Variants in SETBP1 observed in about 807,000 individuals in gnomAD.
SETBP1 encodes SET-binding protein.
A neutral mutation model predicts 101.0 loss-of-function variants in SETBP1; 9 were observed. The observed-to-expected ratio is 0.09, with a 90% confidence interval of 0.05 to 0.16. The LOEUF is 0.16. Ranked by LOEUF, SETBP1 falls within the 10% of genes least tolerant of loss-of-function variation. The pLI is 1.00. For synonymous variants in SETBP1, 818 were observed against 788.5 expected (o/e 1.04, Z -0.63); for missense variants, 1,858 against 2,033.8 (o/e 0.91, Z 1.66).
intron 4 of SETBP1, among the ~76,000 whole-genome samples, chr18:45,018,489 A>G (rs989749359): frequency 1.3e-5 from 2 of 152,228 alleles, no homozygotes; most frequent in African/African-American, 2.4e-5. Context: ...TCTTGGAAAC[A>G]TATGAGAAGT....
At chr18:44,858,182 G>A (rs761597074) in intron 2 of SETBP1, among the ~76,000 whole-genome samples, 2 of 152,204 alleles carry the variant, frequency 1.3e-5, no homozygotes, top group Non-Finnish European at 2.9e-5. Flanking sequence ...TTTGCCTAAT[G>A]CACTGAGAGC....
At chr18:44,715,057 G>C (rs974762105) in intron 2 of SETBP1, among the ~76,000 whole-genome samples, 2 of 152,176 alleles carry the variant, frequency 1.3e-5, no homozygotes, top group African/African-American at 4.8e-5. Context: ...GGGGGTGTTT[G>C]GGACTCAAAC....
chr18:44,812,642 C>T (rs2071887894), intron 2 of SETBP1, among the ~76,000 whole-genome samples: 1 of 152,154 alleles, frequency 6.6e-6, no homozygotes, highest in African/African-American at 2.4e-5. Flanking sequence ...CTCCTGTGGA[C>T]TCCAGGAGAG....
At chr18:44,840,172 A>T (rs971957100) in intron 2 of SETBP1, among the ~76,000 whole-genome samples, 5 of 152,234 alleles carry the variant, frequency 3.3e-5, no homozygotes, top group Non-Finnish European at 7.3e-5. Flanking sequence ...TTATTGTCTC[A>T]TTCCTCCATT....
intron 2 of SETBP1, among the ~76,000 whole-genome samples, chr18:44,862,890 T>G (rs980516904): frequency 6.6e-6 from 1 of 152,122 alleles, no homozygotes; most frequent in East Asian, 1.9e-4. Flanking sequence ...AAAATGACAT[T>G]CATTTCATAG....
intron 1 of SETBP1, among the ~76,000 whole-genome samples, chr18:44,683,316 GAGTGAGCTACTTTGTAAATC>G (rs2144087501): frequency 6.6e-6 from 1 of 152,320 alleles, no homozygotes; most frequent in African/African-American, 2.4e-5. Context: ...GCCTTGCTCA[GAGTGAGCTACTTTGTAAATC>G]ACCTGACCTA....
intron 3 of SETBP1, among the ~76,000 whole-genome samples, chr18:44,895,369 A>G: frequency 6.6e-6 from 1 of 151,900 alleles, no homozygotes; most frequent in East Asian, 1.9e-4. Context: ...GTTCACATCA[A>G]ATACTCAAGT....
chr18:44,949,928 C>T lies in SETBP1; in HGVS notation c.588C>T (p.Gly196=). 1 of 1,614,046 alleles carries T rather than the reference C, an allele frequency of 6.2e-7. No homozygotes were observed. Residue 196 remains glycine (G), a synonymous_variant, in exon 4 of 6, where the codon GGC becomes GGT. Transcript: ENST00000649279. ...QKHSTLHYDT[G]LPQDFTGDTL... The stretch of plus-strand genomic sequence containing the variant: ...ATTCAACTCTCCATTATGACACGGG[C>T]CTCCCACAGGACTTCACCGGTGACA...
intron 4 of SETBP1, among the ~76,000 whole-genome samples, chr18:44,957,413 A>G (rs1322041729): frequency 6.6e-6 from 1 of 152,070 alleles, no homozygotes; most frequent in Non-Finnish European, 1.5e-5. Flanking sequence ...GTGAATCTAC[A>G]TGTGTTACCT....
At chr18:44,984,912 G>A (rs1194131725) in intron 4 of SETBP1, among the ~76,000 whole-genome samples, 3 of 152,278 alleles carry the variant, frequency 2.0e-5, no homozygotes, top group Non-Finnish European at 2.9e-5. Context: ...AGGCCAAGGC[G>A]GGCAGATCAC....
At position 44,814,595 on chromosome 18, in the gene SETBP1, C is replaced by T. The variant is rs550704562; in HGVS notation, c.487-54635C>T. 1.1e-4 allele frequency among the ~76,000 whole-genome samples: 17 copies of T among 152,182 alleles called. No individual in the cohort carries two copies. In the East Asian group the frequency reaches 1.7e-3, roughly 16 times the overall value. ...AAATAAAATTCCTTCTCTATGTAAC[C>T]GAATGTTTGATTAAAACCCCACATG... On this transcript the variant is annotated intron_variant, in intron 2 of 5. Transcript: ENST00000649279.
At chr18:44,783,847 A>T (rs529446811) in intron 2 of SETBP1, among the ~76,000 whole-genome samples, 1 of 152,344 alleles carries the variant, frequency 6.6e-6, no homozygotes, top group South Asian at 2.1e-4. Flanking sequence ...TCAAATTCTT[A>T]TCTCCATGGT....
intron 2 of SETBP1, among the ~76,000 whole-genome samples, chr18:44,818,701 T>C (rs2072036613): frequency 6.6e-6 from 1 of 152,048 alleles, no homozygotes; most frequent in South Asian, 2.1e-4. Context: ...CAAAAGAGTT[T>C]ATAAAAACAA....
intron 3 of SETBP1, among the ~76,000 whole-genome samples, chr18:44,939,526 G>A (rs893413185): frequency 6.6e-6 from 1 of 152,174 alleles, no homozygotes; most frequent in Non-Finnish European, 1.5e-5. Flanking sequence ...CTGCTATAAA[G>A]TTTTTATAAA....
At chr18:44,800,944 T>C (rs906173066) in intron 2 of SETBP1, among the ~76,000 whole-genome samples, 7 of 152,168 alleles carry the variant, frequency 4.6e-5, no homozygotes, top group Admixed American at 3.9e-4. Context: ...TGGAATACTA[T>C]GCAGCCATAA....
chr18:44,864,365 C>T (rs2069083534), intron 2 of SETBP1, among the ~76,000 whole-genome samples: 1 of 152,136 alleles, frequency 6.6e-6, no homozygotes, highest in Non-Finnish European at 1.5e-5. Context: ...GATTTCTACT[C>T]TCACCTCCTT....
chr18:44,772,572 G>A (rs1049777958), intron 2 of SETBP1, among the ~76,000 whole-genome samples: 2 of 152,170 alleles, frequency 1.3e-5, no homozygotes, highest in Non-Finnish European at 1.5e-5. Context: ...AGGGCTAAAG[G>A]AAAATTCCAC....
intron 2 of SETBP1, among the ~76,000 whole-genome samples, chr18:44,749,143 C>T (rs2070327435): frequency 6.6e-6 from 1 of 152,210 alleles, no homozygotes; most frequent in South Asian, 2.1e-4. Flanking sequence ...CAAAGCAACA[C>T]TCTCCCAAGG....
At chr18:44,846,076 C>T (rs529520904) in intron 2 of SETBP1, among the ~76,000 whole-genome samples, 5 of 152,212 alleles carry the variant, frequency 3.3e-5, no homozygotes, top group Non-Finnish European at 7.3e-5. Context: ...CACATTCTTA[C>T]CTGTTGCCCA....
Sources: allele counts gnomAD v4.1 joint callset (sites outside exome capture counted in the v4.1 genomes callset), GRCh38; gene constraint gnomAD v4.1.1; transcripts MANE v1.5; gene names NCBI Gene and HGNC (gene_info 2026-07-23, HGNC 2026-07-21).